The following RBM4 variants were observed in gnomAD, a reference collection of about 807,000 sequenced individuals.
RBM4 encodes the protein RNA-binding protein 4.
Under a neutral mutation model 29.5 loss-of-function variants are expected in RBM4, and 7 were observed. That is an observed-to-expected ratio of 0.24 (90% CI 0.14 to 0.45). The LOEUF is 0.45. Ranked by LOEUF, RBM4 falls within the 20% of genes least tolerant of loss-of-function variation. RBM4 has a pLI of 1.00. For synonymous variants in RBM4, 220 were observed against 205.4 expected, an observed-to-expected ratio of 1.07 and a Z score of -0.61; for missense variants, 387 against 502.3, an observed-to-expected ratio of 0.77 and a Z score of 2.19.
At chr11:66,656,466 G>A (rs982616417) in intron 2 of RBM4, among the ~76,000 whole-genome samples, 5 of 151,824 alleles carry the variant, frequency 3.3e-5, no homozygotes, top group African/African-American at 9.7e-5. Context: ...TAGTAGAGAC[G>A]GGGATTCTCC....
At chr11:66,641,490 T>C (rs949340325) in intron 2 of RBM4, among the ~76,000 whole-genome samples, 1 of 152,200 alleles carries the variant, frequency 6.6e-6, no homozygotes, top group Admixed American at 6.5e-5. Flanking sequence ...AACAACTTAA[T>C]TGAGAGCAAA....
chr11:66,651,383 T>C (rs1312765241), downstream of RBM4, among the ~76,000 whole-genome samples: 1 of 151,698 alleles, frequency 6.6e-6, no homozygotes, highest in Non-Finnish European at 1.5e-5. Context: ...AGTCTTGCTC[T>C]GTCACCCAGG....
chr11:66,650,212 G>C (rs1453320148), downstream of RBM4, among the ~76,000 whole-genome samples: 2 of 152,216 alleles, frequency 1.3e-5, no homozygotes, highest in Non-Finnish European at 2.9e-5. Flanking sequence ...CAAAGGACCT[G>C]TGAGGGCAGT....
exon 3 of RBM4, chr11:66,666,942 C>G (rs1323290525): frequency 3.3e-5 from 5 of 151,122 alleles, no homozygotes; most frequent in Admixed American, 6.6e-5. Flanking sequence ...GAGAGAGGAG[C>G]CACTCTTGCC....
chr11:66,668,080 C>T, exon 3 of RBM4: 1 of 154,958 alleles, frequency 6.5e-6, no homozygotes, highest in Non-Finnish European at 1.4e-5. Context: ...TCATTACTAA[C>T]CCCTGAACCT....
At position 66,643,918 on chromosome 11, in the gene RBM4, C is replaced by T. The variant is rs768972342; in HGVS notation, c.881C>T (p.Ala294Val). The part of the protein sequence containing the change: ...ATAAAAAAAA[A>V]AVTAASTSYY... ...GCTGCTGCTGCAGCAGCAGCCGCTGCTGCTGTTACTGCAGCTTCCACTTCA... is the reference window on the plus strand; with the variant it reads ...GCTGCTGCTGCAGCAGCAGCCGCTGTTGCTGTTACTGCAGCTTCCACTTCA... The change falls in exon 3 of 4, where the codon GCT (alanine) becomes GTT (valine). Residue 294 changes from alanine to valine, a missense_variant. Coordinates refer to ENST00000310092, the MANE Select transcript of RBM4 (RefSeq NM_002896.4). This position sits in a 1 kb window ranked among gnomAD's most constrained non-coding sequence, Gnocchi z 6.1. 6.2e-7 allele frequency: 1 copy of T among 1,613,360 alleles called. No homozygotes were observed. Among genetic ancestry groups the T allele is most frequent in the Admixed American group, 1.7e-5 (1 of 60,002 alleles).
In RBM4 at chr11:66,654,684, G is replaced by GTT. The variant is rs144346052; in HGVS notation, c.413-11157_413-11156dup. Among the ~76,000 whole-genome samples the GTT allele has an allele frequency of 5.3e-3, 645 of 122,260 alleles. 3 individuals are homozygous for GTT. The highest frequency in any genetic ancestry group is 0.021 in the East Asian group (82 of 3,970). The allele number at this position is 122,260 out of a possible 152,430, so 80.2% of individuals were successfully genotyped here. A position where few individuals can be genotyped will look rare whatever the true frequency, so the allele number is the denominator to read the frequency against. On this transcript the variant is annotated intron_variant, in intron 2 of 2. Coordinates refer to the RBM4 transcript ENST00000396053. ...GCCCAGCTCAGTTTTGATTAATTTT[G>GTT]TTTTTTTTTTTTTTTTAGAGGCAAG...
rs150081415 is a variant in RBM4, at chr11:66,645,770, G to A, written c.*9-257G>A. Among the ~76,000 whole-genome samples the A allele has an allele frequency of 2.0e-3, 307 of 152,234 alleles. 2 individuals are homozygous for A. Among genetic ancestry groups the A allele is most frequent in the African/African-American group, 7.2e-3 (299 of 41,514 alleles). ...GTTAACATCATCAAGAGCAAGGAAT[G>A]TCTCTTTGCCTACTTTTATGAAACA... is the stretch of plus-strand genomic sequence containing the variant. On this transcript the variant is annotated intron_variant, in intron 3 of 3. Transcript: ENST00000310092.
chr11:66,664,005 C>T (rs1182638639), intron 2 of RBM4, among the ~76,000 whole-genome samples: 1 of 151,890 alleles, frequency 6.6e-6, no homozygotes, highest in Admixed American at 6.6e-5. Flanking sequence ...ACAGCACTAA[C>T]CTAAATCCTT....
In RBM4 at chr11:66,643,538, A is replaced by G. The variant is rs1938559505; in HGVS notation, c.501A>G (p.Lys167=). The G allele has an allele frequency of 6.2e-7, 1 of 1,614,216 alleles. No homozygotes were observed. The highest frequency in any genetic ancestry group is 8.5e-7 in the Non-Finnish European group (1 of 1,180,038). ...GDQSGCYRCG[K]EGHWSKECPI... is the part of the protein sequence containing the mutation. ...AGAGCGGCTGCTATCGGTGCGGGAA[A>G]GAGGGGCACTGGTCCAAAGAGTGTC... The change falls in exon 3 of 4, where the codon AAA becomes AAG. Residue 167 remains lysine, a synonymous_variant. Transcript: ENST00000310092. This position sits in a 1 kb window ranked among gnomAD's most constrained non-coding sequence, Gnocchi z 6.1.
At chr11:66,653,287 C>T (rs1181188273) in intron 2 of RBM4, among the ~76,000 whole-genome samples, 1 of 151,954 alleles carries the variant, frequency 6.6e-6, no homozygotes, top group Non-Finnish European at 1.5e-5. Flanking sequence ...ACCCCTCCTC[C>T]TACTTTTCCT....
At chr11:66,646,988 A>G (rs115951946), downstream of RBM4, among the ~76,000 whole-genome samples, 957 of 152,328 alleles carry the variant, frequency 6.3e-3, 14 homozygotes, top group African/African-American at 0.021. Flanking sequence ...AGAATGCCTG[A>G]ATGGTCCCAC....
At chr11:66,665,404 T>C in intron 2 of RBM4, 1 of 643,152 alleles carries the variant, frequency 1.6e-6, no homozygotes. Flanking sequence ...AGAGACTAGT[T>C]TCAGGAGGAA....
At chr11:66,645,575 A>G (rs563279858) in intron 3 of RBM4, among the ~76,000 whole-genome samples, 2 of 152,226 alleles carry the variant, frequency 1.3e-5, no homozygotes, top group East Asian at 1.9e-4. Flanking sequence ...TGCTACTTCT[A>G]TCTAGACTTT....
exon 3 of RBM4, chr11:66,667,386 CAGTT>C (rs1283990472): frequency 1.3e-5 from 2 of 152,136 alleles, no homozygotes; most frequent in Non-Finnish European, 2.9e-5. Context: ...TGAAAATTAC[CAGTT>C]TATCTAACTC....
rs917653018 is a variant in RBM4 at position 66,655,904 on chromosome 11, T to C, written c.413-9952T>C. Among the ~76,000 whole-genome samples, 3 of 152,218 alleles carry C rather than the reference T, an allele frequency of 2.0e-5. No individual in the cohort carries two copies. The South Asian group carries it at 6.2e-4, about 31-fold the overall frequency. ...TAAAAAATCAGCTTTTCTGAGTTTTTTTTTTAAACACCCTTTCAACCCAGT... is the reference window on the plus strand; with the variant it reads ...TAAAAAATCAGCTTTTCTGAGTTTTCTTTTTAAACACCCTTTCAACCCAGT... On this transcript the variant is annotated intron_variant, in intron 2 of 2. Coordinates refer to the RBM4 transcript ENST00000396053.
chr11:66,657,494 C>T lies in RBM4; in HGVS notation c.413-8362C>T, dbSNP rs11227559. On this transcript the variant is annotated intron_variant, in intron 2 of 2. Transcript: ENST00000396053. The stretch of plus-strand genomic sequence containing the variant: ...GTCAGGAGCTCGAGAGCAGCCTGGC[C>T]GACATGATGAAACCCCGTCTCTACT... Among the ~76,000 whole-genome samples the T allele has an allele frequency of 1.7e-3, 250 of 151,336 alleles. 2 individuals are homozygous for T. In the East Asian group the frequency reaches 0.028, roughly 17 times the overall value.
At chr11:66,639,526 C>G in intron 1 of RBM4, 174 bp from the exon 2 acceptor site, 1 of 781,240 alleles carries the variant, frequency 1.3e-6, no homozygotes, top group South Asian at 1.9e-5. Context: ...TTCATGGCGG[C>G]TACTATAGCA....
intron 2 of RBM4, among the ~76,000 whole-genome samples, chr11:66,657,564 T>C (rs1265301834): frequency 6.7e-6 from 1 of 150,296 alleles, no homozygotes; most frequent in Non-Finnish European, 1.5e-5. Context: ...GCACCTGTAG[T>C]CCCAGCTACT....
Sources: gnomAD v4.1 joint callset for allele counts (sites outside exome capture counted in the v4.1 genomes callset) on GRCh38, gnomAD v4.1.1 for gene constraint, Gnocchi (gnomAD v3.1) non-coding constraint, MANE v1.5 for transcripts, NCBI Gene and HGNC (gene_info 2026-07-23, HGNC 2026-07-21) for gene names.